The following BLTP1 variants were observed in gnomAD, a reference collection of about 807,000 sequenced individuals.
The protein encoded by BLTP1 is fragile site-associated protein.
the BLTP1 span, chr4:122,298,958 G>T: frequency 1.0e-6 from 1 of 985,210 alleles, no homozygotes; most frequent in Admixed American, 6.2e-5. Flanking sequence ...TTGGAGAAAT[G>T]ACAGAAGATG....
the BLTP1 span, chr4:122,362,243 A>G: frequency 3.1e-6 from 5 of 1,611,240 alleles, no homozygotes; most frequent in Non-Finnish European, 3.4e-6. Context: ...AAAGAAGAAC[A>G]CTAAAAAAGT....
chr4:122,350,064 A>C, the BLTP1 span: 64 of 1,613,498 alleles, frequency 4.0e-5, no homozygotes, highest in African/African-American at 5.3e-5. Context: ...AAAAAAGTTC[A>C]CAAGAACAAT....
chr4:122,251,475 A>G, the BLTP1 span: 1 of 936,468 alleles, frequency 1.1e-6, no homozygotes, highest in South Asian at 4.9e-5. Flanking sequence ...TATGTAGTTT[A>G]ATGAGTTTAA....
the BLTP1 span, chr4:122,154,239 G>T: frequency 9.3e-6 from 8 of 863,200 alleles, no homozygotes; most frequent in African/African-American, 1.2e-4. Flanking sequence ...GCAGTGGTGC[G>T]ATCTTGGCTC....
chr4:122,343,494 C>G, the BLTP1 span: 1 of 1,614,092 alleles, frequency 6.2e-7, no homozygotes, highest in Non-Finnish European at 8.5e-7. Context: ...AGTAGTTCAT[C>G]TGGCTTGAGC....
At chr4:122,246,706 C>A in the BLTP1 span, 3 of 1,612,360 alleles carry the variant, frequency 1.9e-6, no homozygotes, top group Non-Finnish European at 1.7e-6. Flanking sequence ...TGTTACAAGC[C>A]TCAGTGGAAG....
At chr4:122,299,707 TG>T in the BLTP1 span, 9 of 687,106 alleles carry the variant, frequency 1.3e-5, no homozygotes, top group South Asian at 6.6e-5. Flanking sequence ...ATAGCTGGGT[TG>T]GGGGGGTGAT....
the BLTP1 span, among the ~76,000 whole-genome samples, chr4:122,260,544 A>G: frequency 6.6e-6 from 1 of 152,230 alleles, no homozygotes; most frequent in Non-Finnish European, 1.5e-5. Context: ...CTCACTTATC[A>G]GATTGAAAGA....
the BLTP1 span, chr4:122,271,525 A>G: frequency 1.2e-6 from 2 of 1,613,504 alleles, no homozygotes; most frequent in Non-Finnish European, 8.5e-7. Flanking sequence ...GAACATCAAA[A>G]GTGTCTAGGA....
the BLTP1 span, chr4:122,334,548 AT>A: frequency 1.9e-6 from 3 of 1,611,842 alleles, no homozygotes; most frequent in Non-Finnish European, 1.7e-6. Flanking sequence ...TCCTGCAGGT[AT>A]TTAAGGAGTA....
the BLTP1 span, among the ~76,000 whole-genome samples, chr4:122,304,133 AC>A: frequency 2.6e-5 from 4 of 152,178 alleles, no homozygotes; most frequent in South Asian, 8.3e-4. Flanking sequence ...GCAGCCATCA[AC>A]ATCAAGGCAA....
the BLTP1 span, chr4:122,164,352 C>T: frequency 1.3e-4 from 125 of 938,226 alleles, no homozygotes; most frequent in Non-Finnish European, 1.4e-4. Flanking sequence ...AAATATTACA[C>T]GCCAGTTGTA....
the BLTP1 span, chr4:122,310,919 T>C: frequency 2.1e-6 from 2 of 942,626 alleles, no homozygotes; most frequent in Non-Finnish European, 2.5e-6. Context: ...AAAAGACCAG[T>C]ATCAGCCTAC....
the BLTP1 span, chr4:122,214,022 A>T: frequency 5.9e-6 from 1 of 170,126 alleles, no homozygotes; most frequent in Non-Finnish European, 1.2e-5. Context: ...CTTATTAAAA[A>T]TAATTTTAAT....
the BLTP1 span, among the ~76,000 whole-genome samples, chr4:122,309,700 A>G: frequency 6.6e-6 from 1 of 152,112 alleles, no homozygotes; most frequent in Admixed American, 6.6e-5. Context: ...GAATGTTTAC[A>G]CAGTCCCTGA....
At chr4:122,250,423 C>A in the BLTP1 span, 1 of 1,613,546 alleles carries the variant, frequency 6.2e-7, no homozygotes, top group Non-Finnish European at 8.5e-7. Context: ...AAGCTAGTGA[C>A]ACAGAAAGGG....
chr4:122,168,265 A>ATGGTTTGT, the BLTP1 span, among the ~76,000 whole-genome samples: 1 of 151,962 alleles, frequency 6.6e-6, no homozygotes, highest in African/African-American at 2.4e-5. Flanking sequence ...CTTTTTCACT[A>ATGGTTTGT]TGGTTTGTTA....
chr4:122,271,187 A>G, the BLTP1 span: 1 of 1,613,976 alleles, frequency 6.2e-7, no homozygotes, highest in South Asian at 1.1e-5. Flanking sequence ...CTTTCACTGC[A>G]ACTTTACTAT....
the BLTP1 span, chr4:122,231,922 A>G: frequency 1.3e-6 from 1 of 743,154 alleles, no homozygotes; most frequent in Non-Finnish European, 1.6e-6. Context: ...GATTTGACAT[A>G]TATCCGAGTA....
Sources: gnomAD v4.1 joint callset for allele counts (sites outside exome capture counted in the v4.1 genomes callset) on GRCh38, gnomAD v4.1.1 for gene constraint, MANE v1.5 for transcripts, NCBI Gene and HGNC (gene_info 2026-07-23, HGNC 2026-07-21) for gene names.